Variants in CACNG2 observed in about 807,000 individuals in gnomAD.
The protein encoded by CACNG2 is voltage-dependent calcium channel gamma-2 subunit.
CACNG2 carries 3 observed loss-of-function variants against 25.9 expected under a neutral mutation model. The observed-to-expected ratio is 0.12, with a 90% CI of 0.05 to 0.30. The LOEUF (loss-of-function observed/expected upper bound fraction) is 0.30. CACNG2 is among the 10% of genes least tolerant of loss of function. CACNG2 has a pLI of 1.00. For missense variants in CACNG2, 341 were observed against 432.5 expected (o/e 0.79, Z 1.88); for synonymous variants, 167 against 173.3 (o/e 0.96, Z 0.29).
chr22:36,689,041 C>T (rs887408438), intron 1 of CACNG2, among the ~76,000 whole-genome samples: 19 of 152,238 alleles, frequency 1.2e-4, no homozygotes, highest in African/African-American at 3.9e-4. Context: ...AACTCTTATT[C>T]GTCCTGCAGA....
At position 36,563,984 on chromosome 22, in the gene CACNG2, A is replaced by G. The variant is rs995769807; in HGVS notation, c.*367T>C. ...TTTTCATTTAAATTGATTTTTATTA[A>G]ATGTTAAAATAATGGTACATGGGAA... On this transcript the variant is annotated 3_prime_UTR_variant, in exon 4 of 4. Transcript: ENST00000300105. The G allele has an allele frequency of 1.2e-5, 2 of 164,358 alleles. No individual in the cohort carries two copies. The highest frequency in any genetic ancestry group is 4.8e-5 in the African/African-American group (2 of 41,352). The allele number at this position is 164,358 out of a possible 1,614,324, so 10.2% of individuals were successfully genotyped here.
intron 1 of CACNG2, among the ~76,000 whole-genome samples, chr22:36,598,065 T>C (rs1325768126): frequency 6.6e-6 from 1 of 152,254 alleles, no homozygotes; most frequent in Non-Finnish European, 1.5e-5. Flanking sequence ...TGTCTTATAA[T>C]TCACGGGTTC....
rs902103531 is a variant in CACNG2 at position 36,666,595 on chromosome 22, G to A, written c.211+35771C>T. Among the ~76,000 whole-genome samples the A allele has an allele frequency of 9.2e-5, 14 of 152,128 alleles. No homozygotes were observed. The East Asian group carries it at 1.5e-3, about 17-fold the overall frequency. The stretch of plus-strand genomic sequence containing the variant: ...ACAAGATGAAAAGAGTTCTGCAAAC[G>A]GGTGGTGGTGATGGTTGCACATGAA... On this transcript the variant is annotated intron_variant, in intron 1 of 3. Transcript: ENST00000300105.
intron 1 of CACNG2, among the ~76,000 whole-genome samples, chr22:36,655,046 G>T (rs553986587): frequency 1.1e-4 from 17 of 152,172 alleles, no homozygotes; most frequent in Middle Eastern, 3.4e-3. Flanking sequence ...CAGAATGCTG[G>T]GGCCGGACTG....
chr22:36,652,003 A>G (rs988557755), intron 1 of CACNG2, among the ~76,000 whole-genome samples: 1 of 152,116 alleles, frequency 6.6e-6, no homozygotes, highest in African/African-American at 2.4e-5. Flanking sequence ...AGCTGGGATT[A>G]CAATCATGTG....
At chr22:36,566,200 C>T (rs1438412130) in intron 3 of CACNG2, among the ~76,000 whole-genome samples, 153 bp downstream of exon 3, 1 of 152,114 alleles carries the variant, frequency 6.6e-6, no homozygotes, top group Non-Finnish European at 1.5e-5. Flanking sequence ...CAGGAGCCCC[C>T]CCACCACCTT....
intron 1 of CACNG2, among the ~76,000 whole-genome samples, chr22:36,685,577 C>T (rs770251566): frequency 2.6e-5 from 4 of 152,264 alleles, no homozygotes; most frequent in African/African-American, 7.2e-5. Context: ...TCAGGCACCT[C>T]GGCTGCCGAG....
At chr22:36,650,532 C>T (rs566140670) in intron 1 of CACNG2, among the ~76,000 whole-genome samples, 4 of 152,040 alleles carry the variant, frequency 2.6e-5, no homozygotes, top group African/African-American at 7.2e-5. Context: ...TGCCACCACA[C>T]CCAGCTAATA....
intron 1 of CACNG2, among the ~76,000 whole-genome samples, chr22:36,624,780 A>C (rs1389477506): frequency 6.6e-6 from 1 of 152,120 alleles, no homozygotes; most frequent in East Asian, 1.9e-4. Context: ...CTGTAATCCC[A>C]GGACTTTGGG....
At chr22:36,647,335 C>T (rs1313074304) in intron 1 of CACNG2, among the ~76,000 whole-genome samples, 1 of 152,128 alleles carries the variant, frequency 6.6e-6, no homozygotes, top group Non-Finnish European at 1.5e-5. Context: ...GTGGCTCACA[C>T]CTGTAATCCC....
intron 1 of CACNG2, among the ~76,000 whole-genome samples, chr22:36,634,425 T>C (rs777659447): frequency 9.2e-5 from 14 of 152,370 alleles, no homozygotes; most frequent in Non-Finnish European, 1.3e-4. Context: ...TTGAAAGGCA[T>C]ATGTCCCTGA....
rs569107608 is a variant in CACNG2, at chr22:36,561,918, C to T, written c.*2433G>A. 1 of 152,402 alleles carries T rather than the reference C, an allele frequency of 6.6e-6. No homozygotes were observed. Among genetic ancestry groups the T allele is most frequent in the African/African-American group, 2.4e-5 (1 of 41,554 alleles). 9.4% of individuals were successfully genotyped at this position (152,402 alleles called of 1,614,324 possible). A position where few individuals can be genotyped will look rare whatever the true frequency, so the allele number is the denominator to read the frequency against. ...CTGCTAAAATTTTCCTCTCCATTCC[C>T]TCAGCCTTGAGCCCTCCCAGTAAAC... On this transcript the variant is annotated 3_prime_UTR_variant, in exon 4 of 4. Transcript: ENST00000300105.
chr22:36,623,391 T>C (rs142578554), intron 1 of CACNG2, among the ~76,000 whole-genome samples: 54 of 152,242 alleles, frequency 3.5e-4, no homozygotes, highest in African/African-American at 1.2e-3. Flanking sequence ...AAGGTTGCAT[T>C]TGGCATTCAT....
intron 1 of CACNG2, among the ~76,000 whole-genome samples, chr22:36,591,496 C>T (rs1057111442): frequency 1.3e-5 from 2 of 151,808 alleles, no homozygotes; most frequent in Admixed American, 1.3e-4. Context: ...ATAGCAAGAC[C>T]CTATATCTAC....
At chr22:36,587,723 A>G (rs903606250) in intron 1 of CACNG2, among the ~76,000 whole-genome samples, 175 bp from the exon 2 acceptor site, 6 of 152,188 alleles carry the variant, frequency 3.9e-5, no homozygotes. Context: ...ATCACAACAC[A>G]CACACCCGCA....
chr22:36,664,444 C>T (rs749705370), intron 1 of CACNG2, among the ~76,000 whole-genome samples: 1 of 152,216 alleles, frequency 6.6e-6, no homozygotes, highest in Non-Finnish European at 1.5e-5. Context: ...TCGAGAGCGT[C>T]CCTGGGTGCC....
rs778307517 is a variant in CACNG2 at position 36,564,304 on chromosome 22, G to A, written c.*47C>T. On this transcript the variant is annotated 3_prime_UTR_variant, in exon 4 of 4. Coordinates refer to ENST00000300105, the MANE Select transcript of CACNG2 (RefSeq NM_006078.5). This position sits in a 1 kb window ranked among gnomAD's most constrained non-coding sequence, Gnocchi z 6.7. ...GGTCTCCCCGCCCCGCCCCGCCCCC[G>A]GGGACCGCGCCCTCCTCCCGCGGTC... The A allele has an allele frequency of 7.6e-6, 10 of 1,320,598 alleles. No homozygotes were observed. The highest frequency in any genetic ancestry group is 1.2e-5 in the South Asian group (1 of 83,288). The allele number at this position is 1,320,598 out of a possible 1,614,324, so 81.8% of individuals were successfully genotyped here. A position where few individuals can be genotyped will look rare whatever the true frequency, so the allele number is the denominator to read the frequency against.
intron 1 of CACNG2, among the ~76,000 whole-genome samples, chr22:36,682,258 C>T (rs555698951): frequency 1.3e-5 from 2 of 152,330 alleles, no homozygotes; most frequent in Admixed American, 6.5e-5. Flanking sequence ...CCACCTCTGC[C>T]CCTGTTAGCT....
intron 2 of CACNG2, among the ~76,000 whole-genome samples, chr22:36,573,079 A>G (rs1343025570): frequency 2.6e-5 from 4 of 152,238 alleles, no homozygotes. Context: ...GTGACAGGCT[A>G]ATGTCACATG....
Sources: gnomAD v4.1 joint callset for allele counts (sites outside exome capture counted in the v4.1 genomes callset) on GRCh38, gnomAD v4.1.1 for gene constraint, Gnocchi (gnomAD v3.1) non-coding constraint, MANE v1.5 for transcripts, NCBI Gene and HGNC (gene_info 2026-07-23, HGNC 2026-07-21) for gene names.